Variants in PHACTR1 observed in about 807,000 individuals in gnomAD.
The protein encoded by PHACTR1 is phosphatase and actin regulator 1, also known as RPEL repeat containing 1.
In PHACTR1, 16 loss-of-function variants were observed where a neutral mutation model predicts 69.2. That is an observed-to-expected ratio of 0.23 (90% CI 0.16 to 0.35). The LOEUF is 0.35. PHACTR1 is among the 10% of genes least tolerant of loss of function. PHACTR1 has a pLI of 1.00. For missense variants in PHACTR1, 510 were observed against 734.7 expected (o/e 0.69, Z 3.54); for synonymous variants, 312 against 284.5 (o/e 1.10, Z -0.97).
intron 5 of PHACTR1, among the ~76,000 whole-genome samples, chr6:13,083,739 C>G (rs994938369): frequency 1.3e-5 from 2 of 152,002 alleles, no homozygotes; most frequent in African/African-American, 4.8e-5. Context: ...TGATTTGGCT[C>G]TCTGTTTGTC....
At chr6:13,049,034 C>A (rs1186768046) in intron 4 of PHACTR1, among the ~76,000 whole-genome samples, 1 of 152,142 alleles carries the variant, frequency 6.6e-6, no homozygotes, top group Non-Finnish European at 1.5e-5. Context: ...AATTTAAGAG[C>A]TAAACATCAT....
chr6:12,895,136 A>G (rs1158766550), intron 4 of PHACTR1, among the ~76,000 whole-genome samples: 8 of 151,034 alleles, frequency 5.3e-5, no homozygotes, highest in Non-Finnish European at 1.5e-5. Flanking sequence ...TATATATTTA[A>G]CTAATCTACT....
At chr6:12,922,476 T>C (rs1314972529) in intron 4 of PHACTR1, among the ~76,000 whole-genome samples, 2 of 137,370 alleles carry the variant, frequency 1.5e-5, no homozygotes, top group African/African-American at 2.6e-5. Context: ...TCAGCATCCA[T>C]AAAGGAATAA....
intron 4 of PHACTR1, among the ~76,000 whole-genome samples, chr6:12,866,813 C>T (rs747688749): frequency 6.6e-6 from 1 of 152,160 alleles, no homozygotes; most frequent in Non-Finnish European, 1.5e-5. Context: ...GGCTTGTATG[C>T]TAGGAAACCA....
At chr6:12,923,859 G>C (rs530700996) in intron 4 of PHACTR1, among the ~76,000 whole-genome samples, 5 of 152,326 alleles carry the variant, frequency 3.3e-5, no homozygotes, top group South Asian at 2.1e-4. Flanking sequence ...TGAGAGAGAT[G>C]ATGACTAATT....
intron 8 of PHACTR1, among the ~76,000 whole-genome samples, chr6:13,208,513 G>T (rs557232913): frequency 8.5e-5 from 13 of 152,148 alleles, no homozygotes; most frequent in Admixed American, 2.6e-4. Flanking sequence ...ACTACCCTAG[G>T]TAGTAAGTTG....
intron 7 of PHACTR1, among the ~76,000 whole-genome samples, chr6:13,198,469 T>C (rs1764732140): frequency 6.6e-6 from 1 of 152,140 alleles, no homozygotes; most frequent in Non-Finnish European, 1.5e-5. Flanking sequence ...TGTCAGACGC[T>C]ATGCCACACG....
chr6:12,787,978 G>A (rs1345782924), intron 4 of PHACTR1, among the ~76,000 whole-genome samples: 3 of 152,038 alleles, frequency 2.0e-5, no homozygotes, highest in Non-Finnish European at 2.9e-5. Context: ...CCAACATGGC[G>A]AAACCCTGTC....
At chr6:13,101,977 G>A (rs1205101799) in intron 5 of PHACTR1, among the ~76,000 whole-genome samples, 1 of 152,168 alleles carries the variant, frequency 6.6e-6, no homozygotes, top group Admixed American at 6.5e-5. Context: ...AATACCACTA[G>A]GTTTCAAAGA....
chr6:12,944,783 A>ATTT (rs201376090), intron 4 of PHACTR1, among the ~76,000 whole-genome samples: 49 of 119,298 alleles, frequency 4.1e-4, no homozygotes, highest in African/African-American at 1.6e-3. Context: ...ATTTATTTTT[A>ATTT]TTTATTTTTT....
intron 4 of PHACTR1, among the ~76,000 whole-genome samples, chr6:12,931,024 A>T (rs1042353792): frequency 2.0e-5 from 3 of 148,416 alleles, no homozygotes; most frequent in African/African-American, 7.7e-5. Context: ...AAAAAAAAAA[A>T]AAGAAGGTGA....
At chr6:12,784,772 T>C (rs1298565735) in intron 4 of PHACTR1, among the ~76,000 whole-genome samples, 1 of 152,002 alleles carries the variant, frequency 6.6e-6, no homozygotes. Context: ...AGGAGTGCAA[T>C]GGCACGATCT....
intron 3 of PHACTR1, among the ~76,000 whole-genome samples, chr6:12,736,841 C>T (rs1036618752): frequency 6.6e-6 from 1 of 152,012 alleles, no homozygotes; most frequent in Non-Finnish European, 1.5e-5. Context: ...TGTGGATTCA[C>T]CTATTAATAA....
chr6:13,272,627 G>C (rs955186132), intron 10 of PHACTR1: 1 of 1,340,584 alleles, frequency 7.5e-7, no homozygotes, highest in East Asian at 2.6e-5. Context: ...GGGAGGGGCC[G>C]CTGCAGGGAG....
intron 7 of PHACTR1, among the ~76,000 whole-genome samples, chr6:13,200,329 G>A (rs949888164): frequency 1.3e-5 from 2 of 152,120 alleles, no homozygotes; most frequent in African/African-American, 2.4e-5. Context: ...TCCTGCCTCA[G>A]CCTCCCGAGT....
At chr6:12,796,034 A>G (rs1252961807) in intron 4 of PHACTR1, among the ~76,000 whole-genome samples, 2 of 152,230 alleles carry the variant, frequency 1.3e-5, no homozygotes, top group Non-Finnish European at 1.5e-5. Context: ...ACTCTGTAGC[A>G]TACTGAAACT....
chr6:12,938,169 G>A (rs1005337799), intron 4 of PHACTR1, among the ~76,000 whole-genome samples: 1 of 152,118 alleles, frequency 6.6e-6, no homozygotes, highest in Non-Finnish European at 1.5e-5. Context: ...CTTTTATTAA[G>A]CACCTAACAA....
At chr6:13,026,902 CCT>C (rs984131223) in intron 4 of PHACTR1, among the ~76,000 whole-genome samples, 3 of 151,366 alleles carry the variant, frequency 2.0e-5, no homozygotes, top group Non-Finnish European at 2.9e-5. Flanking sequence ...TGGCCAGTCC[CCT>C]GTCAAAAAAA....
chr6:13,121,064 G>A (rs1258143715), intron 5 of PHACTR1, among the ~76,000 whole-genome samples: 6 of 152,170 alleles, frequency 3.9e-5, no homozygotes, highest in African/African-American at 1.2e-4. Context: ...TAAAGGAGGC[G>A]TGGGCACCAC....
Sources: gnomAD v4.1 joint callset for allele counts (sites outside exome capture counted in the v4.1 genomes callset) on GRCh38, gnomAD v4.1.1 for gene constraint, MANE v1.5 for transcripts, NCBI Gene and HGNC (gene_info 2026-07-23, HGNC 2026-07-21) for gene names.